Variants in RAPGEF6 observed in about 807,000 individuals in gnomAD.
RAPGEF6 encodes the protein PDZ domain containing guanine nucleotide exchange factor (GEF) 2.
In RAPGEF6, 56 loss-of-function variants were observed where a neutral mutation model predicts 171.4. That is an observed-to-expected ratio of 0.33 (90% CI 0.26 to 0.41). The LOEUF (loss-of-function observed/expected upper bound fraction) is 0.41, where lower values mean the gene tolerates loss of function less well. Ranked by LOEUF, RAPGEF6 falls within the 10% of genes least tolerant of loss-of-function variation. The pLI, the probability that RAPGEF6 is intolerant of heterozygous loss-of-function variation, is 1.00. For synonymous variants in RAPGEF6, 692 were observed against 650.1 expected (o/e 1.06, Z -0.98); for missense variants, 1,674 against 1,921.4 (o/e 0.87, Z 2.41).
In RAPGEF6 at chr5:131,631,834, T is replaced by C. The variant is rs546517202; in HGVS notation, c.69+3128A>G. ...GCTCACGCCTGTAATCCCAGCACTT[T>C]GGGAGGCCAAGGCGGGCAGATCACG... On this transcript the variant is annotated intron_variant, in intron 1 of 27. Coordinates refer to ENST00000509018, the MANE Select transcript of RAPGEF6 (RefSeq NM_016340.6). 1.1e-4 allele frequency among the ~76,000 whole-genome samples: 16 copies of C among 152,194 alleles called. No individual in the cohort carries two copies. The South Asian group carries it at 3.3e-3, about 32-fold the overall frequency.
chr5:131,602,794 C>A lies in RAPGEF6; in HGVS notation c.197+477G>T, dbSNP rs544515545. On this transcript the variant is annotated intron_variant, in intron 3 of 27. Coordinates refer to ENST00000509018, the MANE Select transcript of RAPGEF6 (RefSeq NM_016340.6). ...AACAAACAAACAAACAAAAAGAAAA[C>A]TAGAAATAACCCAACTATTAACAGT... Among the ~76,000 whole-genome samples, 59 of 152,110 alleles carry A rather than the reference C, an allele frequency of 3.9e-4. 1 individual carries two copies. Among genetic ancestry groups the A allele is most frequent in the African/African-American group, 1.4e-3 (58 of 41,504 alleles).
At chr5:131,440,360 C>A (rs1422081) in intron 23 of RAPGEF6, 85,216 of 375,210 alleles carry the variant, frequency 0.23, 10,509 homozygotes, top group East Asian at 0.48. Context: ...GTACCTCAAA[C>A]TTAGCAATGC....
chr5:131,529,129 T>C (rs1293811038), intron 6 of RAPGEF6, among the ~76,000 whole-genome samples: 4 of 150,896 alleles, frequency 2.7e-5, no homozygotes, highest in African/African-American at 7.3e-5. Flanking sequence ...AAACTCAATT[T>C]GATTTCTCTC....
chr5:131,446,319 TG>T (rs1752687044), intron 22 of RAPGEF6, among the ~76,000 whole-genome samples, 163 bp downstream of exon 22: 1 of 152,268 alleles, frequency 6.6e-6, no homozygotes, highest in African/African-American at 2.4e-5. Flanking sequence ...CAGGAATGGA[TG>T]GGATTCAGTC....
At chr5:131,590,163 C>T (rs1360053199) in intron 4 of RAPGEF6, among the ~76,000 whole-genome samples, 2 of 152,086 alleles carry the variant, frequency 1.3e-5, no homozygotes, top group African/African-American at 2.4e-5. Context: ...CACTGTAATG[C>T]CCAAGGCGGG....
chr5:131,518,165 T>C (rs1221167608), intron 7 of RAPGEF6, among the ~76,000 whole-genome samples: 1 of 151,920 alleles, frequency 6.6e-6, no homozygotes, highest in Non-Finnish European at 1.5e-5. Context: ...TATATATTTA[T>C]TTAACGAAAT....
At chr5:131,505,694 A>C (rs1485479316) in intron 9 of RAPGEF6, among the ~76,000 whole-genome samples, 172 bp from the exon 10 acceptor site, 1 of 152,226 alleles carries the variant, frequency 6.6e-6, no homozygotes, top group Non-Finnish European at 1.5e-5. Flanking sequence ...GCAAACTACT[A>C]AAGTTTATTT....
At chr5:131,602,003 C>G (rs900443451) in intron 3 of RAPGEF6, among the ~76,000 whole-genome samples, 15 of 150,352 alleles carry the variant, frequency 1.0e-4, no homozygotes, top group Non-Finnish European at 2.9e-5. Flanking sequence ...CCAGTGTACT[C>G]CAGCCTGGGC....
chr5:131,567,941 AT>A (rs999739431), intron 4 of RAPGEF6, among the ~76,000 whole-genome samples: 1 of 152,146 alleles, frequency 6.6e-6, no homozygotes, highest in African/African-American at 2.4e-5. Context: ...ACACTACGAA[AT>A]TTTGCTTCTG....
At chr5:131,602,587 C>T (rs1037801269) in intron 3 of RAPGEF6, among the ~76,000 whole-genome samples, 1 of 152,130 alleles carries the variant, frequency 6.6e-6, no homozygotes, top group African/African-American at 2.4e-5. Flanking sequence ...ATGGTAAAAC[C>T]TCATCTCTAC....
intron 1 of RAPGEF6, among the ~76,000 whole-genome samples, chr5:131,615,572 C>A (rs945827569): frequency 6.6e-6 from 1 of 152,124 alleles, no homozygotes; most frequent in African/African-American, 2.4e-5. Context: ...ATCATTTACG[C>A]TGAATGCACT....
At chr5:131,549,250 C>T (rs1760753493) in intron 5 of RAPGEF6, among the ~76,000 whole-genome samples, 1 of 152,028 alleles carries the variant, frequency 6.6e-6, no homozygotes, top group East Asian at 1.9e-4. Context: ...TATAACTAAG[C>T]TCACATCTAA....
chr5:131,545,641 G>A (rs1189304875), intron 6 of RAPGEF6, among the ~76,000 whole-genome samples: 1 of 152,116 alleles, frequency 6.6e-6, no homozygotes, highest in Admixed American at 6.5e-5. Context: ...CAGATGTACA[G>A]GTGTTACATA....
At chr5:131,470,402 A>T (rs1195163863) in intron 17 of RAPGEF6, among the ~76,000 whole-genome samples, 2 of 152,210 alleles carry the variant, frequency 1.3e-5, no homozygotes, top group African/African-American at 4.8e-5. Flanking sequence ...TCTAAAACTT[A>T]ATAATTTCAA....
At chr5:131,594,979 T>G (rs1346352658) in intron 3 of RAPGEF6, among the ~76,000 whole-genome samples, 1 of 152,300 alleles carries the variant, frequency 6.6e-6, no homozygotes, top group Admixed American at 6.5e-5. Context: ...GACTTTGGAC[T>G]TGGACTTTTA....
intron 3 of RAPGEF6, among the ~76,000 whole-genome samples, chr5:131,593,431 G>A (rs1237457394): frequency 6.6e-6 from 1 of 152,200 alleles, no homozygotes; most frequent in East Asian, 1.9e-4. Context: ...ATTAGTAATA[G>A]TGGGGCACTG....
intron 1 of RAPGEF6, among the ~76,000 whole-genome samples, chr5:131,615,918 G>C (rs1162049734): frequency 6.6e-6 from 1 of 151,734 alleles, no homozygotes; most frequent in Non-Finnish European, 1.5e-5. Flanking sequence ...AAAAAAAAGA[G>C]GGAAGTCATG....
intron 5 of RAPGEF6, among the ~76,000 whole-genome samples, chr5:131,559,800 GCA>G (rs1761475925): frequency 6.8e-6 from 1 of 146,304 alleles, no homozygotes; most frequent in African/African-American, 2.6e-5. Flanking sequence ...TCGCACCACC[GCA>G]CACTCTACTC....
chr5:131,546,901 T>C (rs769931707), intron 6 of RAPGEF6, among the ~76,000 whole-genome samples: 3 of 152,208 alleles, frequency 2.0e-5, no homozygotes, highest in Non-Finnish European at 4.4e-5. Context: ...TATAACTGTG[T>C]AATAGGAACA....
Sources: allele counts gnomAD v4.1 joint callset (sites outside exome capture counted in the v4.1 genomes callset), GRCh38; gene constraint gnomAD v4.1.1; transcripts MANE v1.5; gene names NCBI Gene and HGNC (gene_info 2026-07-23, HGNC 2026-07-21).